ZC3H3: variants seen among roughly 807,000 people sequenced by gnomAD.
ZC3H3 encodes the protein zinc finger CCCH domain-containing protein 3.
In ZC3H3, 36 loss-of-function variants were observed where a neutral mutation model predicts 77.3. The observed-to-expected ratio is 0.47, with a 90% CI of 0.36 to 0.61. The LOEUF (loss-of-function observed/expected upper bound fraction) is 0.61, where lower values mean the gene tolerates loss of function less well. Among genes scored for constraint, ZC3H3 ranks in the 20% least tolerant of loss-of-function variants. The pLI, the probability that ZC3H3 is intolerant of heterozygous loss-of-function variation, is 0.00. For synonymous variants in ZC3H3, 626 were observed against 555.2 expected (o/e 1.13, Z -1.79); for missense variants, 1,331 against 1,312.2 (o/e 1.01, Z -0.22).
At position 143,538,218 on chromosome 8, in the gene ZC3H3, G is replaced by A. The variant is rs779240283; in HGVS notation, c.1149C>T (p.Ser383=). 4.3e-6 allele frequency: 7 copies of A among 1,613,048 alleles called. No individual in the cohort carries two copies. The South Asian group carries it at 5.5e-5, about 13-fold the overall frequency. Residue 383 remains serine (S), a synonymous_variant, in exon 2 of 12, where the codon AGC becomes AGT. Coordinates refer to ENST00000262577, the MANE Select transcript of ZC3H3 (RefSeq NM_015117.3). ...AGGAGGAAGAGGAGGAGGCAGAGGGGCTGGAGGCCTTCCACTTGTACTTGC... is the reference window on the plus strand; with the variant it reads ...AGGAGGAAGAGGAGGAGGCAGAGGGACTGGAGGCCTTCCACTTGTACTTGC... The part of the protein sequence containing the change: ...APSKYKWKAS[S]PSASSSSSFR...
intron 3 of ZC3H3, among the ~76,000 whole-genome samples, chr8:143,534,161 G>A (rs555343915): frequency 6.6e-6 from 1 of 151,730 alleles, no homozygotes; most frequent in Non-Finnish European, 1.5e-5. Context: ...ACATGCACCT[G>A]TAGTCCCAGC....
intron 5 of ZC3H3, among the ~76,000 whole-genome samples, chr8:143,472,055 T>C (rs1256667795): frequency 6.6e-6 from 1 of 152,206 alleles, no homozygotes; most frequent in Admixed American, 6.5e-5. Context: ...CCGGAGGCCA[T>C]AGCCCTACTC....
At chr8:143,527,944 C>T (rs1048653062) in intron 3 of ZC3H3, among the ~76,000 whole-genome samples, 3 of 152,368 alleles carry the variant, frequency 2.0e-5, no homozygotes, top group South Asian at 2.1e-4. Flanking sequence ...CGCCAGGCCA[C>T]GCCCACACCA....
chr8:143,482,334 G>A (rs1820928922), intron 4 of ZC3H3, among the ~76,000 whole-genome samples: 2 of 152,248 alleles, frequency 1.3e-5, no homozygotes, highest in Non-Finnish European at 2.9e-5. Flanking sequence ...GAGCACAGGG[G>A]CCGTATCTGC....
In ZC3H3 at chr8:143,507,768, C is replaced by A; in HGVS notation, c.1693G>T (p.Ala565Ser). ...PFPLSLPSWRARRLSLSRSLV... is the reference protein window; with the variant it reads ...PFPLSLPSWRSRRLSLSRSLV... The stretch of plus-strand genomic sequence containing the variant: ...TACCTGGATAGTGAGAGCCGCCGGG[C>A]CCGCCAGGAGGGCAGAGACAGGGGG... The change falls in exon 4 of 12, where the codon GCC becomes TCC. Residue 565 changes from alanine to serine, a missense_variant. By Grantham distance (99) the Ala-to-Ser change is moderately conservative. Around this residue, in one of 3 missense-constraint regions of ZC3H3, gnomAD observed 978 missense variants for 915.5 expected, o/e 1.07. Transcript: ENST00000262577. 6.3e-7 allele frequency: 1 copy of A among 1,586,210 alleles called. No homozygotes were observed.
chr8:143,498,214 G>C (rs410920), intron 4 of ZC3H3, among the ~76,000 whole-genome samples: 4,247 of 152,266 alleles, frequency 0.028, 178 homozygotes, highest in African/African-American at 0.096. Context: ...AGTGGCAGCA[G>C]CCACAAAACC....
rs535978856 is a variant in ZC3H3, at chr8:143,508,585, G to A, written c.1562-686C>T. ...ATTTACCCACAGCTTCGAGGGTTGC[G>A]TCTAATTGCCCAGCTTGCATCATGT... is the stretch of plus-strand genomic sequence containing the variant. On this transcript the variant is annotated intron_variant, in intron 3 of 11. Coordinates refer to ENST00000262577, the MANE Select transcript of ZC3H3 (RefSeq NM_015117.3). 7.8e-4 allele frequency among the ~76,000 whole-genome samples: 119 copies of A among 152,320 alleles called. 1 individual carries two copies. Among genetic ancestry groups the A allele is most frequent in the African/African-American group, 2.5e-3 (104 of 41,572 alleles).
chr8:143,439,953 G>A (rs201544933), intron 11 of ZC3H3, 88 bp downstream of exon 11: 4 of 947,684 alleles, frequency 4.2e-6, no homozygotes, highest in Non-Finnish European at 5.8e-6. Flanking sequence ...TGAGGGGGGG[G>A]CCCTGGGGGC....
In ZC3H3 at chr8:143,533,386, G is replaced by C. The variant is rs1000984078; in HGVS notation, c.1561+2871C>G. ...CCCACTCGCCAACCACCTCTCTGCA[G>C]CTGGCCCTGTGCTCTCCCCCTGCCT... On this transcript the variant is annotated intron_variant, in intron 3 of 11. Transcript: ENST00000262577. This position sits in a 1 kb window ranked among gnomAD's most constrained non-coding sequence, Gnocchi z 4.0. 6.6e-6 allele frequency among the ~76,000 whole-genome samples: 1 copy of C among 152,166 alleles called. No homozygotes were observed. Among genetic ancestry groups the C allele is most frequent in the African/African-American group, 2.4e-5 (1 of 41,436 alleles).
rs1022564099 is a variant in ZC3H3, at chr8:143,511,057, A to G, written c.1562-3158T>C. Among the ~76,000 whole-genome samples, 4 of 152,368 alleles carry G rather than the reference A, an allele frequency of 2.6e-5. No individual in the cohort carries two copies. The East Asian group carries it at 7.7e-4, about 29-fold the overall frequency. Reference sequence around the variant, plus strand: ...AAACTACAAAGAAACTGCTGGCATCATATGTGAATGAGATATGAGCCCATC... The same window carrying G: ...AAACTACAAAGAAACTGCTGGCATCGTATGTGAATGAGATATGAGCCCATC... On this transcript the variant is annotated intron_variant, in intron 3 of 11. Transcript: ENST00000262577.
At position 143,538,620 on chromosome 8, in the gene ZC3H3, A is replaced by G. The variant is rs745800744; in HGVS notation, c.747T>C (p.Ser249=). 1 of 1,609,466 alleles carries G rather than the reference A, an allele frequency of 6.2e-7. No homozygotes were observed. Among genetic ancestry groups the G allele is most frequent in the South Asian group, 1.1e-5 (1 of 91,086 alleles). ...TGVALGRKLG[S]HSVASCAPQL... ...GTGGAGCACAGCTGGCCACGGAATG[A>G]GAACCCAGCTTCCGGCCCAGGGCCA... The change falls in exon 2 of 12, where the codon TCT becomes TCC. Residue 249 remains serine (S), a synonymous_variant. Coordinates refer to ENST00000262577, the MANE Select transcript of ZC3H3 (RefSeq NM_015117.3).
At chr8:143,514,827 T>C (rs1821981426) in intron 3 of ZC3H3, among the ~76,000 whole-genome samples, 2 of 152,092 alleles carry the variant, frequency 1.3e-5, no homozygotes, top group Non-Finnish European at 2.9e-5. Context: ...AAGGCCACTC[T>C]CCGAGGCAGG....
intron 3 of ZC3H3, among the ~76,000 whole-genome samples, chr8:143,531,727 C>G (rs184016071): frequency 2.0e-4 from 30 of 152,318 alleles, no homozygotes; most frequent in Non-Finnish European, 4.1e-4. Flanking sequence ...AAAATTGATT[C>G]TCCCTTTTCC....
At chr8:143,507,251 G>A (rs1821728628) in intron 4 of ZC3H3, among the ~76,000 whole-genome samples, 2 of 152,196 alleles carry the variant, frequency 1.3e-5, no homozygotes, top group South Asian at 4.1e-4. Flanking sequence ...AGGTCAGAGT[G>A]CGAGTGGGGG....
chr8:143,505,621 G>A (rs529928651), intron 4 of ZC3H3, among the ~76,000 whole-genome samples: 11 of 152,322 alleles, frequency 7.2e-5, no homozygotes, highest in Admixed American at 6.5e-4. Context: ...GGTCCCAGAC[G>A]CCTGGCAAGG....
rs965413463 is a variant in ZC3H3 at position 143,503,227 on chromosome 8, C to T, written c.1715+4519G>A. Among the ~76,000 whole-genome samples, 9 of 152,170 alleles carry T rather than the reference C, an allele frequency of 5.9e-5. No homozygotes were observed. The East Asian group carries it at 1.5e-3, about 26-fold the overall frequency. Reference sequence around the variant, plus strand: ...CCTCTGATGGGAGCACAGGTGGCACCGTGGATGCCACCCGTTGAGGCAGGA... The same window carrying T: ...CCTCTGATGGGAGCACAGGTGGCACTGTGGATGCCACCCGTTGAGGCAGGA... On this transcript the variant is annotated intron_variant, in intron 4 of 11. Transcript: ENST00000262577.
chr8:143,475,113 A>G (rs1820695485), intron 5 of ZC3H3, among the ~76,000 whole-genome samples: 1 of 152,208 alleles, frequency 6.6e-6, no homozygotes, highest in Non-Finnish European at 1.5e-5. Flanking sequence ...GGCACCCTCC[A>G]TTCTCCGGCT....
intron 4 of ZC3H3, among the ~76,000 whole-genome samples, chr8:143,490,930 T>C (rs751153761): frequency 2.6e-5 from 4 of 152,124 alleles, no homozygotes; most frequent in Non-Finnish European, 4.4e-5. Flanking sequence ...AAATAAATAT[T>C]GACTATGTAA....
intron 4 of ZC3H3, among the ~76,000 whole-genome samples, chr8:143,506,188 C>A (rs1327753910): frequency 1.3e-5 from 2 of 152,256 alleles, no homozygotes; most frequent in Non-Finnish European, 2.9e-5. Context: ...GCCTTCTTGG[C>A]CTTCAGAATC....
Sources: allele counts gnomAD v4.1 joint callset (sites outside exome capture counted in the v4.1 genomes callset), GRCh38; gene constraint gnomAD v4.1.1; regional missense constraint gnomAD v4.1.1; non-coding constraint Gnocchi (gnomAD v3.1); transcripts MANE v1.5; gene names NCBI Gene and HGNC (gene_info 2026-07-23, HGNC 2026-07-21).